Variants in HP1BP3 observed in about 807,000 individuals in gnomAD.
HP1BP3 encodes heterochromatin protein 1-binding protein 3.
In HP1BP3, 12 loss-of-function variants were observed where a neutral mutation model predicts 62.5. That is an observed-to-expected ratio of 0.19 (90% CI 0.12 to 0.31). The LOEUF (loss-of-function observed/expected upper bound fraction) is 0.31, where lower values mean the gene tolerates loss of function less well. HP1BP3 is among the 10% of genes least tolerant of loss of function. HP1BP3 has a pLI of 1.00. For synonymous variants in HP1BP3, 260 were observed against 237.8 expected, an observed-to-expected ratio of 1.09 and a Z score of -0.86; for missense variants, 502 against 651.8, an observed-to-expected ratio of 0.77 and a Z score of 2.50.
chr1:20,754,511 G>A (rs2055978064), intron 9 of HP1BP3, among the ~76,000 whole-genome samples: 1 of 151,246 alleles, frequency 6.6e-6, no homozygotes, highest in East Asian at 1.9e-4. Flanking sequence ...GTATGGAACT[G>A]TACAGGACCC....
intron 12 of HP1BP3, 65 bp downstream of exon 12, chr1:20,745,478 A>G (rs1053391691): frequency 6.4e-7 from 1 of 1,565,588 alleles, no homozygotes; most frequent in Non-Finnish European, 8.6e-7. Flanking sequence ...CCCCTCCTAT[A>G]GCACTATTTT....
intron 5 of HP1BP3, 53 bp downstream of exon 5, chr1:20,773,398 G>GA (rs1173646511): frequency 2.7e-6 from 4 of 1,495,610 alleles, no homozygotes; most frequent in Admixed American, 2.0e-5. Flanking sequence ...TTTCAAATAA[G>GA]AAAAAAATGA....
At chr1:20,772,652 G>A (rs1225533207) in intron 5 of HP1BP3, among the ~76,000 whole-genome samples, 3 of 151,910 alleles carry the variant, frequency 2.0e-5, no homozygotes, top group African/African-American at 7.3e-5. Context: ...CCCTTTTCTG[G>A]TTAAAATCAT....
Position 20,780,423 on chromosome 1 carries a change from A to C in HP1BP3, c.18T>G (p.Ser6=). The change falls in exon 2 of 13, where the codon TCT becomes TCG. Residue 6 remains serine, a synonymous_variant. Transcript: ENST00000438032. MATDT[S]QGELVHPKAL... is the part of the protein sequence containing the mutation. ...CCTTAGGATGGACGAGTTCACCTTG[A>C]GACGTATCAGTCGCCATTTTAAATA... 6.2e-7 allele frequency: 1 copy of C among 1,613,154 alleles called. No homozygotes were observed. Among genetic ancestry groups the C allele is most frequent in the Non-Finnish European group, 8.5e-7 (1 of 1,179,084 alleles).
At position 20,741,756 on chromosome 1, in the gene HP1BP3, C is replaced by T. The variant is rs1168650160; in HGVS notation, c.*3041G>A. ...GTAGGTAGTTTCAGAGTGTATGAAA[C>T]ACTGTAAATGAGGTCACTAAGCCAC... On this transcript the variant is annotated 3_prime_UTR_variant, in exon 13 of 13. Transcript: ENST00000438032. Among the ~76,000 whole-genome samples, 1 of 152,214 alleles carries T rather than the reference C, an allele frequency of 6.6e-6. No homozygotes were observed. The highest frequency in any genetic ancestry group is 2.4e-5 in the African/African-American group (1 of 41,466).
At chr1:20,755,081 C>A (rs1035211641) in intron 9 of HP1BP3, among the ~76,000 whole-genome samples, 1 of 152,184 alleles carries the variant, frequency 6.6e-6, no homozygotes, top group African/African-American at 2.4e-5. Flanking sequence ...ATAACCAACC[C>A]CCTTTTAAAA....
intron 11 of HP1BP3, among the ~76,000 whole-genome samples, chr1:20,747,138 A>G (rs974389041): frequency 6.6e-6 from 1 of 152,240 alleles, no homozygotes; most frequent in Non-Finnish European, 1.5e-5. Context: ...TGCCTGGCTA[A>G]AATCACTATT....
At chr1:20,776,473 A>G (rs1324054094) in intron 4 of HP1BP3, 124 bp downstream of exon 4, 5 of 863,154 alleles carry the variant, frequency 5.8e-6, no homozygotes, top group Non-Finnish European at 8.9e-6. Flanking sequence ...TGGTAATTCT[A>G]AAAATTAAAT....
At chr1:20,760,582 T>A (rs2056410134) in intron 8 of HP1BP3, among the ~76,000 whole-genome samples, 2 of 150,154 alleles carry the variant, frequency 1.3e-5, no homozygotes, top group Admixed American at 1.3e-4. Context: ...GTGGCTCACG[T>A]CTGTAATCCT....
At chr1:20,775,768 G>A (rs957335860) in intron 4 of HP1BP3, 6 of 469,946 alleles carry the variant, frequency 1.3e-5, no homozygotes, top group Non-Finnish European at 1.9e-5. Context: ...GTAACATGCT[G>A]TACAGGTTTG....
chr1:20,775,688 T>C (rs1408273311), intron 4 of HP1BP3: 3 of 293,128 alleles, frequency 1.0e-5, no homozygotes, highest in Admixed American at 5.1e-5. Flanking sequence ...ATATTTTTAC[T>C]GTACCTTTTC....
intron 4 of HP1BP3, chr1:20,774,099 A>T (rs1002220283): frequency 5.9e-5 from 9 of 152,410 alleles, no homozygotes; most frequent in Non-Finnish European, 8.8e-5. Flanking sequence ...TGCAAGAATT[A>T]TAAGAGTATG....
intron 1 of HP1BP3, among the ~76,000 whole-genome samples, chr1:20,782,657 T>C (rs958881677): frequency 1.4e-4 from 21 of 150,394 alleles, no homozygotes; most frequent in African/African-American, 5.1e-4. Context: ...ATCTCAGCAC[T>C]TTGGGAGGCC....
Position 20,746,186 on chromosome 1 carries a change from A to ATATGTGTGTGTGTGTGTGTGTGTGTG in HP1BP3, c.1254-531_1254-530insCACACACACACACACACACACACATA, listed in dbSNP as rs1286650893. Among the ~76,000 whole-genome samples the ATATGTGTGTGTGTGTGTGTGTGTGTG allele has an allele frequency of 8.2e-4, 117 of 143,232 alleles. 1 individual carries two copies. The highest frequency in any genetic ancestry group is 3.0e-3 in the African/African-American group (112 of 37,132). The allele number at this position is 143,232 out of a possible 152,430, so 94.0% of individuals were successfully genotyped here. On this transcript the variant is annotated intron_variant, in intron 11 of 12. Transcript: ENST00000438032. ...CTTAAATGATAACATACATACATAT[A>ATATGTGTGTGTGTGTGTGTGTGTGTG]TGTGTGTGTGTGTGTGTGTGTGTGT...
In HP1BP3 at chr1:20,741,037, C is replaced by T. The variant is rs1400580877; in HGVS notation, c.*3760G>A. ...CTGTTCCACCATGAAAATGCAAAAG[C>T]AAAATCTACATGCTAGAAAGTAATG... is the stretch of plus-strand genomic sequence containing the variant. On this transcript the variant is annotated 3_prime_UTR_variant, in exon 13 of 13. Coordinates refer to ENST00000438032, the MANE Select transcript of HP1BP3 (RefSeq NM_001372052.1). Among the ~76,000 whole-genome samples the T allele has an allele frequency of 6.6e-6, 1 of 152,174 alleles. No homozygotes were observed. The highest frequency in any genetic ancestry group is 1.5e-5 in the Non-Finnish European group (1 of 68,036).
intron 11 of HP1BP3, among the ~76,000 whole-genome samples, chr1:20,746,170 TAAC>T (rs1256944030): frequency 1.4e-5 from 2 of 143,634 alleles, no homozygotes; most frequent in African/African-American, 2.8e-5. Flanking sequence ...CCTTAAATGA[TAAC>T]ATACATACAT....
At chr1:20,770,673 T>C (rs1210198830) in intron 6 of HP1BP3, among the ~76,000 whole-genome samples, 1 of 152,108 alleles carries the variant, frequency 6.6e-6, no homozygotes, top group African/African-American at 2.4e-5. Context: ...CAGTGCTACA[T>C]GATTTCAAGC....
Position 20,773,506 on chromosome 1 carries a change from G to A in HP1BP3, c.455C>T (p.Pro152Leu), listed in dbSNP as rs769885485. ...SQLARAQKQT[P>L]MASSPRPKMD... ...CTTGGGACGTGGGGAAGAAGCCATC[G>A]GTGTTTGTTTCTGGGCCCTGGCTAG... The change falls in exon 5 of 13, where the codon CCG becomes CTG. Residue 152 changes from proline to leucine, a missense_variant. Physicochemically the swap from Pro to Leu is moderately conservative, Grantham distance 98. Around this residue, in one of 5 missense-constraint regions of HP1BP3, gnomAD observed 25 missense variants for 22.5 expected, o/e 1.11. Coordinates refer to ENST00000438032, the MANE Select transcript of HP1BP3 (RefSeq NM_001372052.1). The A allele has an allele frequency of 6.2e-6, 10 of 1,613,330 alleles. No individual in the cohort carries two copies. The East Asian group carries it at 1.1e-4, about 18-fold the overall frequency.
intron 4 of HP1BP3, chr1:20,775,728 GTGTTA>G: frequency 2.7e-6 from 1 of 375,954 alleles, no homozygotes; most frequent in Non-Finnish European, 4.7e-6. Flanking sequence ...ACTTACCGTT[GTGTTA>G]TAACTGCCTA....
Sources: allele counts gnomAD v4.1 joint callset (sites outside exome capture counted in the v4.1 genomes callset), GRCh38; gene constraint gnomAD v4.1.1; regional missense constraint gnomAD v4.1.1; transcripts MANE v1.5; gene names NCBI Gene and HGNC (gene_info 2026-07-23, HGNC 2026-07-21).